Variants in NUP35 observed in about 807,000 individuals in gnomAD.
The protein encoded by NUP35 is nucleoporin 35.
Under a neutral mutation model 41.5 loss-of-function variants are expected in NUP35, and 25 were observed. That is an observed-to-expected ratio of 0.60 (90% CI 0.44 to 0.84). The LOEUF (loss-of-function observed/expected upper bound fraction) is 0.84, where lower values mean the gene tolerates loss of function less well. NUP35 is among the 40% of genes least tolerant of loss of function. NUP35 has a pLI of 0.00. For missense variants in NUP35, 396 were observed against 396.6 expected (o/e 1.00, Z 0.01); for synonymous variants, 149 against 130.7 (o/e 1.14, Z -0.96).
At chr2:183,137,825 A>T (rs1684932594) in intron 4 of NUP35, among the ~76,000 whole-genome samples, 1 of 152,086 alleles carries the variant, frequency 6.6e-6, no homozygotes, top group Non-Finnish European at 1.5e-5. Context: ...ATGTTAAGTA[A>T]TGTTTTACAT....
chr2:183,124,375 A>G (rs573033067), upstream of NUP35: 33 of 1,612,884 alleles, frequency 2.0e-5, no homozygotes, highest in South Asian at 1.6e-4. Context: ...ATAAGGTAGC[A>G]CGCCGTTACC....
intron 1 of NUP35, among the ~76,000 whole-genome samples, chr2:183,127,687 A>G (rs904721758): frequency 6.6e-6 from 1 of 152,214 alleles, no homozygotes; most frequent in Non-Finnish European, 1.5e-5. Context: ...TTTGGTTGTT[A>G]CATAGTCCAA....
At chr2:183,160,287 C>T (rs963207225) in intron 8 of NUP35, 2 of 152,218 alleles carry the variant, frequency 1.3e-5, no homozygotes, top group Non-Finnish European at 2.9e-5. Flanking sequence ...AGTTTTTTGA[C>T]TTCCTCTGAA....
At chr2:183,135,803 G>A (rs1444962466) in intron 4 of NUP35, among the ~76,000 whole-genome samples, 4 of 152,024 alleles carry the variant, frequency 2.6e-5, no homozygotes, top group Admixed American at 2.6e-4. Context: ...ATTCGAGGTT[G>A]CAAGGGAGCT....
At chr2:183,136,204 C>CA (rs1684869968) in intron 4 of NUP35, among the ~76,000 whole-genome samples, 1 of 152,246 alleles carries the variant, frequency 6.6e-6, no homozygotes, top group African/African-American at 2.4e-5. Flanking sequence ...TGGGTGTTAA[C>CA]AGCAGCACCT....
chr2:183,154,245 T>C (rs1239363011), intron 5 of NUP35, among the ~76,000 whole-genome samples: 1 of 152,238 alleles, frequency 6.6e-6, no homozygotes, highest in African/African-American at 2.4e-5. Context: ...ATTTTCCCCA[T>C]GCTCTTGGGC....
intron 4 of NUP35, among the ~76,000 whole-genome samples, chr2:183,139,193 G>A (rs1427504866): frequency 6.8e-6 from 1 of 146,430 alleles, no homozygotes; most frequent in Non-Finnish European, 1.5e-5. Context: ...TAACATTATG[G>A]TTTTGCATTT....
At chr2:183,142,392 T>A (rs868628973) in intron 4 of NUP35, among the ~76,000 whole-genome samples, 1 of 152,218 alleles carries the variant, frequency 6.6e-6, no homozygotes, top group South Asian at 2.1e-4. Context: ...GTTTCCCTTT[T>A]ATGTTATCAT....
intron 5 of NUP35, among the ~76,000 whole-genome samples, chr2:183,154,891 A>G (rs1021717964): frequency 1.3e-5 from 2 of 152,220 alleles, no homozygotes; most frequent in African/African-American, 4.8e-5. Context: ...TTACAGTTCC[A>G]CATGGCTGGG....
chr2:183,137,734 A>G (rs1327988971), intron 4 of NUP35, among the ~76,000 whole-genome samples: 1 of 151,952 alleles, frequency 6.6e-6, no homozygotes, highest in Non-Finnish European at 1.5e-5. Context: ...TTAAGGCTGT[A>G]GGCAGCTATG....
At chr2:183,127,387 G>A (rs1684531989) in intron 1 of NUP35, among the ~76,000 whole-genome samples, 1 of 151,908 alleles carries the variant, frequency 6.6e-6, no homozygotes, top group Admixed American at 6.6e-5. Flanking sequence ...CAAAGTGCTA[G>A]GATTGCAGGC....
rs1685874224 is a variant in NUP35, at chr2:183,161,415, TTAAA to T, written c.*288_*291del. 4.7e-6 allele frequency: 1 copy of T among 214,176 alleles called. No homozygotes were observed. The highest frequency in any genetic ancestry group is 9.2e-6 in the Non-Finnish European group (1 of 109,086). The allele number at this position is 214,176 out of a possible 1,614,324, so 13.3% of individuals were successfully genotyped here. On this transcript the variant is annotated 3_prime_UTR_variant, in exon 9 of 9. Transcript: ENST00000295119. Reference sequence around the variant, plus strand: ...AAAACTCAGCATTGATTATTGTAAATTAAATAACTGAAATTGTGGTGAGACGTCA... The same window carrying T: ...AAAACTCAGCATTGATTATTGTAAATTAACTGAAATTGTGGTGAGACGTCA...
chr2:183,133,028 C>T (rs1684749618), intron 3 of NUP35, among the ~76,000 whole-genome samples: 1 of 152,140 alleles, frequency 6.6e-6, no homozygotes, highest in Admixed American at 6.5e-5. Flanking sequence ...GGATTTTAAA[C>T]TATTTTAATC....
intron 1 of NUP35, among the ~76,000 whole-genome samples, chr2:183,126,101 G>A (rs2675105): frequency 0.72 from 109,372 of 151,784 alleles, 40,228 homozygotes; most frequent in African/African-American, 0.86. Flanking sequence ...CAGTCGTGCA[G>A]TCTCAGCTCA....
chr2:183,150,435 C>A (rs1269532165), intron 4 of NUP35, among the ~76,000 whole-genome samples: 1 of 152,156 alleles, frequency 6.6e-6, no homozygotes, highest in African/African-American at 2.4e-5. Flanking sequence ...TAAGACCAAT[C>A]ATGTCTTTCC....
chr2:183,142,282 GTAT>G (rs1292326523), intron 4 of NUP35, among the ~76,000 whole-genome samples: 1 of 151,982 alleles, frequency 6.6e-6, no homozygotes, highest in Non-Finnish European at 1.5e-5. Context: ...AAACTTCCCT[GTAT>G]TATTTGTTTG....
chr2:183,133,756 T>G, intron 4 of NUP35, 133 bp downstream of exon 4: 1 of 541,864 alleles, frequency 1.8e-6, no homozygotes, highest in Admixed American at 4.3e-5. Flanking sequence ...TTCGAATGAA[T>G]TTAATATAAA....
chr2:183,133,515 C>G (rs369689360), intron 3 of NUP35, 51 bp from the exon 4 acceptor site: 10 of 1,414,456 alleles, frequency 7.1e-6, no homozygotes, highest in Non-Finnish European at 7.9e-6. Flanking sequence ...TTAACACTTA[C>G]TGTATTTATG....
chr2:183,133,024 T>A (rs1684749533), intron 3 of NUP35, among the ~76,000 whole-genome samples: 1 of 152,304 alleles, frequency 6.6e-6, no homozygotes, highest in South Asian at 2.1e-4. Flanking sequence ...AGAAGGATTT[T>A]AAACTATTTT....
Sources: gnomAD v4.1 joint callset for allele counts (sites outside exome capture counted in the v4.1 genomes callset) on GRCh38, gnomAD v4.1.1 for gene constraint, MANE v1.5 for transcripts, NCBI Gene and HGNC (gene_info 2026-07-23, HGNC 2026-07-21) for gene names.